DOCK4: variants seen among roughly 807,000 people sequenced by gnomAD.
DOCK4 encodes dedicator of cytokinesis 4.
DOCK4 carries 97 observed loss-of-function variants against 268.1 expected under a neutral mutation model. That is an observed-to-expected ratio of 0.36 (90% confidence interval 0.31 to 0.43). The LOEUF is 0.43. Ranked by LOEUF, DOCK4 falls within the 20% of genes least tolerant of loss-of-function variation. The pLI, the probability that DOCK4 is intolerant of heterozygous loss-of-function variation, is 1.00. For missense variants in DOCK4, 2,145 were observed against 2,455.7 expected (o/e 0.87, Z 2.67); for synonymous variants, 954 against 887.2 (o/e 1.08, Z -1.34).
chr7:111,774,552 T>C (rs1289033119), intron 36 of DOCK4, among the ~76,000 whole-genome samples: 2 of 151,906 alleles, frequency 1.3e-5, no homozygotes, highest in Non-Finnish European at 2.9e-5. Flanking sequence ...GGAGAAGGAT[T>C]GTGGGGCATG....
At chr7:111,758,568 C>G in intron 41 of DOCK4, 56 bp downstream of exon 41, 1 of 1,587,310 alleles carries the variant, frequency 6.3e-7, no homozygotes, top group South Asian at 1.1e-5. Context: ...GGGCTGTGCC[C>G]CAAGGGGCTC....
chr7:111,939,596 C>T (rs1311645745), intron 11 of DOCK4, among the ~76,000 whole-genome samples: 2 of 151,620 alleles, frequency 1.3e-5, no homozygotes, highest in Non-Finnish European at 2.9e-5. Flanking sequence ...TTATATCCTA[C>T]TGCTCAAGGT....
chr7:111,801,856 A>ATTTTTTT (rs538307512), intron 30 of DOCK4: 3 of 132,818 alleles, frequency 2.3e-5, no homozygotes, highest in African/African-American at 5.5e-5. Context: ...CGCTGGGCTA[A>ATTTTTTT]TTTTTTTTTT....
At chr7:112,073,387 C>G (rs769184651) in intron 1 of DOCK4, among the ~76,000 whole-genome samples, 4 of 151,924 alleles carry the variant, frequency 2.6e-5, no homozygotes, top group Admixed American at 1.3e-4. Context: ...ATAGAATAAA[C>G]CTTAATGTCC....
In DOCK4 at chr7:112,123,508, G is replaced by A. The variant is rs115309823; in HGVS notation, c.37+82594C>T. On this transcript the variant is annotated intron_variant, in intron 1 of 52. Coordinates refer to ENST00000428084, the MANE Select transcript of DOCK4 (RefSeq NM_001363540.2). ...AAAGTCAAAATAAAAGTCTAGTTAA[G>A]TGATTGCAGTTTACACCAGTCATTT... 6.2e-3 allele frequency among the ~76,000 whole-genome samples: 944 copies of A among 152,290 alleles called. 5 individuals are homozygous for A. The highest frequency in any genetic ancestry group is 0.021 in the African/African-American group (889 of 41,550).
At chr7:111,761,301 C>T (rs1797390555) in intron 39 of DOCK4, among the ~76,000 whole-genome samples, 1 of 152,176 alleles carries the variant, frequency 6.6e-6, no homozygotes, top group Non-Finnish European at 1.5e-5. Context: ...CTCAGGTGAT[C>T]TGCCTGTCTC....
At chr7:111,884,440 C>T (rs1190651723) in intron 16 of DOCK4, among the ~76,000 whole-genome samples, 2 of 152,148 alleles carry the variant, frequency 1.3e-5, no homozygotes, top group African/African-American at 2.4e-5. Context: ...CCTCCCTCTA[C>T]TGTTGTTTTA....
chr7:111,876,067 TA>T (rs1378837969), intron 17 of DOCK4, among the ~76,000 whole-genome samples: 3 of 152,082 alleles, frequency 2.0e-5, no homozygotes, highest in South Asian at 4.1e-4. Context: ...ACTGGCCCCA[TA>T]AAAAAATACT....
At chr7:112,102,406 G>T (rs1230881417) in intron 1 of DOCK4, among the ~76,000 whole-genome samples, 3 of 152,124 alleles carry the variant, frequency 2.0e-5, no homozygotes, top group Non-Finnish European at 4.4e-5. Flanking sequence ...TTTTCTAGTT[G>T]TGTGGCCTTG....
rs12112200 is a variant in DOCK4 at position 112,133,363 on chromosome 7, C to A, written c.37+72739G>T. Among the ~76,000 whole-genome samples, 949 of 152,280 alleles carry A rather than the reference C, an allele frequency of 6.2e-3. 11 individuals are homozygous for A. The highest frequency in any genetic ancestry group is 0.022 in the African/African-American group (900 of 41,554). On this transcript the variant is annotated intron_variant, in intron 1 of 52. Transcript: ENST00000428084. ...GAGCTTTTTCATATAAATGAGCACA[C>A]TTTCCTGCTTAATCTTTTATTTAGG... is the stretch of plus-strand genomic sequence containing the variant.
intron 1 of DOCK4, among the ~76,000 whole-genome samples, chr7:112,200,891 C>T (rs1315645886): frequency 2.6e-5 from 4 of 152,204 alleles, no homozygotes; most frequent in South Asian, 2.1e-4. Flanking sequence ...AAGCTGCTAT[C>T]CCACTGTCTG....
chr7:112,039,289 G>A (rs1804137525), intron 1 of DOCK4, among the ~76,000 whole-genome samples: 1 of 149,674 alleles, frequency 6.7e-6, no homozygotes, highest in Admixed American at 6.7e-5. Context: ...AAGGAACCCT[G>A]CCACAATTCC....
intron 13 of DOCK4, among the ~76,000 whole-genome samples, chr7:111,912,728 T>C (rs1174879680): frequency 1.3e-5 from 2 of 151,690 alleles, no homozygotes; most frequent in Admixed American, 6.6e-5. Context: ...CACAAAGAAA[T>C]AGATAGGTAT....
chr7:111,783,841 A>G lies in DOCK4; in HGVS notation c.3524+16T>C. On this transcript the variant is annotated intron_variant, in intron 34 of 52. Transcript: ENST00000428084. ...AGCATGAACTGGAGTTCAGAAAAAC[A>G]TGCGACTTGGCTTACCTGTAATCTA... is the stretch of plus-strand genomic sequence containing the variant. The G allele has an allele frequency of 6.3e-7, 1 of 1,584,852 alleles. No homozygotes were observed. The highest frequency in any genetic ancestry group is 8.6e-7 in the Non-Finnish European group (1 of 1,163,936).
At chr7:112,130,165 G>A (rs1003899451) in intron 1 of DOCK4, among the ~76,000 whole-genome samples, 1 of 152,298 alleles carries the variant, frequency 6.6e-6, no homozygotes, top group Non-Finnish European at 1.5e-5. Flanking sequence ...AATCCAGGAA[G>A]CTGCAGGCCT....
At chr7:112,144,114 T>C (rs970925289) in intron 1 of DOCK4, among the ~76,000 whole-genome samples, 3 of 152,202 alleles carry the variant, frequency 2.0e-5, no homozygotes, top group African/African-American at 4.8e-5. Context: ...GTTTCTAAGA[T>C]ACTTTCCTCC....
At chr7:111,973,203 A>G (rs911377798) in intron 8 of DOCK4, among the ~76,000 whole-genome samples, 49 of 126,632 alleles carry the variant, frequency 3.9e-4, no homozygotes, top group African/African-American at 1.5e-3. Flanking sequence ...TTCTTTATCC[A>G]CTCATTGATT....
At chr7:111,977,956 G>C (rs549584730) in intron 7 of DOCK4, among the ~76,000 whole-genome samples, 4 of 152,162 alleles carry the variant, frequency 2.6e-5, no homozygotes, top group African/African-American at 9.6e-5. Context: ...GCTCAACTTG[G>C]GCAACAAGAC....
intron 1 of DOCK4, among the ~76,000 whole-genome samples, chr7:112,006,340 C>T (rs1800859425): frequency 6.6e-6 from 1 of 152,190 alleles, no homozygotes; most frequent in South Asian, 2.1e-4. Flanking sequence ...TGGTCTTCAA[C>T]AGTCGGGTTC....
Sources: allele counts gnomAD v4.1 joint callset (sites outside exome capture counted in the v4.1 genomes callset), GRCh38; gene constraint gnomAD v4.1.1; transcripts MANE v1.5; gene names NCBI Gene and HGNC (gene_info 2026-07-23, HGNC 2026-07-21).